PXYLP1: variants seen among roughly 807,000 people sequenced by gnomAD.
PXYLP1 encodes the protein acid phosphatase-like 2.
Under a neutral mutation model 37.9 loss-of-function variants are expected in PXYLP1, and 17 were observed. The ratio of observed to expected loss-of-function variants is 0.45; its 90% confidence interval spans 0.31 to 0.67. The LOEUF (loss-of-function observed/expected upper bound fraction) is 0.67. Among genes scored for constraint, PXYLP1 ranks in the 30% least tolerant of loss-of-function variants. PXYLP1 has a pLI of 0.07. For missense variants in PXYLP1, 511 were observed against 612.0 expected, an observed-to-expected ratio of 0.84 and a Z score of 1.74; for synonymous variants, 221 against 232.2, an observed-to-expected ratio of 0.95 and a Z score of 0.44.
chr3:141,256,276 A>G (rs1941260836), intron 1 of PXYLP1, among the ~76,000 whole-genome samples: 1 of 152,060 alleles, frequency 6.6e-6, no homozygotes, highest in Non-Finnish European at 1.5e-5. Context: ...TCTTATCCTC[A>G]GTCTTATTTA....
intron 1 of PXYLP1, among the ~76,000 whole-genome samples, chr3:141,241,857 G>A (rs1217675936): frequency 6.6e-6 from 1 of 152,322 alleles, no homozygotes; most frequent in African/African-American, 2.4e-5. Flanking sequence ...GTCTGCTGCT[G>A]GAGGCTGAGT....
At chr3:141,251,911 A>G (rs1327800278) in intron 1 of PXYLP1, among the ~76,000 whole-genome samples, 1 of 152,214 alleles carries the variant, frequency 6.6e-6, no homozygotes, top group Non-Finnish European at 1.5e-5. Flanking sequence ...TAAAACCATC[A>G]GCAAAATCAC....
Position 141,243,518 on chromosome 3 carries a change from G to C in PXYLP1, c.-54+11607G>C, listed in dbSNP as rs1196782895. On this transcript the variant is annotated intron_variant, in intron 1 of 5. Coordinates refer to ENST00000286353, the MANE Select transcript of PXYLP1 (RefSeq NM_001037172.3). ...GGGGTGGGCTTTGCAGCCTGCCTCTGTACCATTTATCCTCACATCAGGCAC... is the reference window on the plus strand; with the variant it reads ...GGGGTGGGCTTTGCAGCCTGCCTCTCTACCATTTATCCTCACATCAGGCAC... 2.0e-5 allele frequency among the ~76,000 whole-genome samples: 3 copies of C among 152,204 alleles called. No individual in the cohort carries two copies. In the East Asian group the frequency reaches 5.8e-4, roughly 29 times the overall value.
At chr3:141,256,267 CTT>C (rs913949728) in intron 1 of PXYLP1, among the ~76,000 whole-genome samples, 2 of 152,166 alleles carry the variant, frequency 1.3e-5, no homozygotes, top group African/African-American at 4.8e-5. Flanking sequence ...TCTTTTGTCT[CTT>C]ATCCTCAGTC....
chr3:141,293,276 G>T lies in PXYLP1; in HGVS notation c.*71G>T. The T allele has an allele frequency of 2.1e-6, 3 of 1,417,726 alleles. No individual in the cohort carries two copies. Among genetic ancestry groups the T allele is most frequent in the Non-Finnish European group, 2.9e-6 (3 of 1,047,718 alleles). The allele number at this position is 1,417,726 out of a possible 1,614,324, so 87.8% of individuals were successfully genotyped here. ...TAGGGAAAGGTCCACTTCTAGTTTT[G>T]TCTGTTACTAAGGGTAGAAGATTAT... On this transcript the variant is annotated 3_prime_UTR_variant, in exon 6 of 6. Coordinates refer to ENST00000286353, the MANE Select transcript of PXYLP1 (RefSeq NM_001037172.3).
Position 141,244,244 on chromosome 3 carries a change from T to C in PXYLP1, c.-54+12333T>C, listed in dbSNP as rs114138674. 6.6e-3 allele frequency among the ~76,000 whole-genome samples: 1,010 copies of C among 152,316 alleles called. 12 individuals are homozygous for C. Among genetic ancestry groups the C allele is most frequent in the African/African-American group, 0.022 (929 of 41,566 alleles). The stretch of plus-strand genomic sequence containing the variant: ...AATAGCACAGGTTCAAATTCTAAAG[T>C]GTACAATGAAAAGTCTTGCTCCTAC... On this transcript the variant is annotated intron_variant, in intron 1 of 5. Transcript: ENST00000286353.
rs1195278237 is a variant in PXYLP1, at chr3:141,292,954, A to G, written c.1192A>G (p.Arg398Gly). Residue 398 changes from arginine (R) to glycine (G), a missense_variant, in exon 6 of 6, where the codon AGG becomes GGG. Arg to Gly is a moderately radical substitution (Grantham distance 125). Coordinates refer to ENST00000286353, the MANE Select transcript of PXYLP1 (RefSeq NM_001037172.3). The surrounding 1 kb of genome is among the most constrained non-coding windows in gnomAD (Gnocchi z 4.3). ...ALGLSEARFP[R>G]FAARLIFELW... Reference sequence around the variant, plus strand: ...GGGCCTTTCAGAAGCCAGGTTCCCAAGGTTTGCAGCCAGGTTGATCTTTGA... The same window carrying G: ...GGGCCTTTCAGAAGCCAGGTTCCCAGGGTTTGCAGCCAGGTTGATCTTTGA... The G allele has an allele frequency of 6.2e-7, 1 of 1,614,156 alleles. No individual in the cohort carries two copies. Among genetic ancestry groups the G allele is most frequent in the Non-Finnish European group, 8.5e-7 (1 of 1,180,026 alleles).
intron 2 of PXYLP1, among the ~76,000 whole-genome samples, chr3:141,272,368 C>T (rs925923875): frequency 6.6e-6 from 1 of 152,128 alleles, no homozygotes; most frequent in African/African-American, 2.4e-5. Context: ...CCTTTTCCCT[C>T]CTTATTTTCT....
Position 141,293,204 on chromosome 3 carries a change from A to G in PXYLP1, c.1442A>G (p.Ter481=), listed in dbSNP as rs576332480. The change falls in exon 6 of 6, where the codon TAA becomes TGA. Residue 481 remains the stop codon, a stop_retained_variant. Coordinates refer to ENST00000286353, the MANE Select transcript of PXYLP1 (RefSeq NM_001037172.3). ...YYDACHREGF[*] is the part of the protein sequence containing the mutation. ...GATGCATGTCACAGGGAAGGATTCTAAAAGGTATGCAGTACAGCAGTATAG... is the reference window on the plus strand; with the variant it reads ...GATGCATGTCACAGGGAAGGATTCTGAAAGGTATGCAGTACAGCAGTATAG... 1.2e-6 allele frequency: 2 copies of G among 1,611,992 alleles called. No homozygotes were observed. Among genetic ancestry groups the G allele is most frequent in the Admixed American group, 3.3e-5 (2 of 59,960 alleles).
At chr3:141,291,523 C>A (rs1024918262) in intron 5 of PXYLP1, 2 of 152,204 alleles carry the variant, frequency 1.3e-5, no homozygotes, top group African/African-American at 4.8e-5. Flanking sequence ...TCCAAAGTTT[C>A]TTTATGCAAA....
Position 141,248,616 on chromosome 3 carries a change from TATACACACAC to T in PXYLP1, c.-53-11506_-53-11497del, listed in dbSNP as rs1941035148. ...ACACGTGTATATATACACACGTATA[TATACACACAC>T]GTATATATACACACGTGTATATATA... is the stretch of plus-strand genomic sequence containing the variant. On this transcript the variant is annotated intron_variant, in intron 1 of 5. Coordinates refer to ENST00000286353, the MANE Select transcript of PXYLP1 (RefSeq NM_001037172.3). Among the ~76,000 whole-genome samples, 12 of 131,606 alleles carry T rather than the reference TATACACACAC, an allele frequency of 9.1e-5. 1 individual carries two copies. Among genetic ancestry groups the T allele is most frequent in the Non-Finnish European group, 1.7e-4 (11 of 64,394 alleles). 86.3% of individuals were successfully genotyped at this position (131,606 alleles called of 152,430 possible). A position where few individuals can be genotyped will look rare whatever the true frequency, so the allele number is the denominator to read the frequency against.
rs1467699765 is a variant in PXYLP1 at position 141,294,343 on chromosome 3, C to T, written c.*1138C>T. 1 of 152,174 alleles carries T rather than the reference C, an allele frequency of 6.6e-6. No homozygotes were observed. Among genetic ancestry groups the T allele is most frequent in the African/African-American group, 2.4e-5 (1 of 41,438 alleles). 9.4% of individuals were successfully genotyped at this position (152,174 alleles called of 1,614,324 possible). Reference sequence around the variant, plus strand: ...CTTTGACAAGCTGTAGAACTGGATTCATTTTTAAACCATTTTCATCAGTTT... The same window carrying T: ...CTTTGACAAGCTGTAGAACTGGATTTATTTTTAAACCATTTTCATCAGTTT... On this transcript the variant is annotated 3_prime_UTR_variant, in exon 6 of 6. Transcript: ENST00000286353.
chr3:141,269,361 A>G (rs1391977939), intron 2 of PXYLP1, among the ~76,000 whole-genome samples: 1 of 152,100 alleles, frequency 6.6e-6, no homozygotes, highest in Non-Finnish European at 1.5e-5. Flanking sequence ...TCAAATACTA[A>G]AATATTCCTT....
intron 4 of PXYLP1, among the ~76,000 whole-genome samples, chr3:141,285,092 A>G (rs1010525829): frequency 2.6e-5 from 4 of 151,408 alleles, no homozygotes; most frequent in Non-Finnish European, 5.9e-5. Context: ...TCTGCTTTCC[A>G]CTAAAAAGAT....
intron 4 of PXYLP1, among the ~76,000 whole-genome samples, chr3:141,281,748 A>C (rs1437165932): frequency 6.6e-6 from 1 of 152,104 alleles, no homozygotes; most frequent in Non-Finnish European, 1.5e-5. Flanking sequence ...GCTGGTGCTG[A>C]ATGGCCCCTT....
At position 141,248,748 on chromosome 3, in the gene PXYLP1, CGTAT is replaced by C. The variant is rs1457724471; in HGVS notation, c.-53-11374_-53-11371del. Among the ~76,000 whole-genome samples, 245 of 27,288 alleles carry C rather than the reference CGTAT, an allele frequency of 9.0e-3. 39 individuals are homozygous for C. The highest frequency in any genetic ancestry group is 0.018 in the East Asian group (9 of 512). The allele number at this position is 27,288 out of a possible 152,430, so 17.9% of individuals were successfully genotyped here. On this transcript the variant is annotated intron_variant, in intron 1 of 5. Transcript: ENST00000286353. ...ATACACACACGTGTATATATACACA[CGTAT>C]ATATATACACACACGTGTATATATA... is the stretch of plus-strand genomic sequence containing the variant.
intron 1 of PXYLP1, among the ~76,000 whole-genome samples, chr3:141,234,616 G>A (rs896119952): frequency 9.9e-5 from 15 of 152,180 alleles, no homozygotes; most frequent in Non-Finnish European, 1.5e-4. Context: ...TGGGAGGGAG[G>A]TTGGTGTTTT....
chr3:141,283,278 G>A (rs1356786858), intron 4 of PXYLP1, among the ~76,000 whole-genome samples: 4 of 152,018 alleles, frequency 2.6e-5, no homozygotes, highest in African/African-American at 7.2e-5. Flanking sequence ...CACCCTGCCT[G>A]GCCTAGTCTG....
At chr3:141,283,151 T>A (rs898361936) in intron 4 of PXYLP1, among the ~76,000 whole-genome samples, 3 of 151,544 alleles carry the variant, frequency 2.0e-5, no homozygotes, top group South Asian at 2.1e-4. Context: ...ATTTTTTTTT[T>A]TTTTTATTTT....
Sources: gnomAD v4.1 joint callset for allele counts (sites outside exome capture counted in the v4.1 genomes callset) on GRCh38, gnomAD v4.1.1 for gene constraint, Gnocchi (gnomAD v3.1) non-coding constraint, MANE v1.5 for transcripts, NCBI Gene and HGNC (gene_info 2026-07-23, HGNC 2026-07-21) for gene names.